The following ATXN1 variants were observed in gnomAD, a reference collection of about 807,000 sequenced individuals.
ATXN1 encodes ataxin 1.
Under a neutral mutation model 56.4 loss-of-function variants are expected in ATXN1, and 8 were observed. That is an observed-to-expected ratio of 0.14 (90% CI 0.08 to 0.26). ATXN1 has a LOEUF of 0.26. Among genes scored for constraint, ATXN1 ranks in the 10% least tolerant of loss-of-function variants. ATXN1 has a pLI of 1.00. For missense variants in ATXN1, 987 were observed against 1,106.5 expected (o/e 0.89, Z 1.53); for synonymous variants, 514 against 494.6 (o/e 1.04, Z -0.52).
chr6:16,756,638 G>C (rs1760895424), intron 1 of ATXN1, among the ~76,000 whole-genome samples: 1 of 152,120 alleles, frequency 6.6e-6, no homozygotes, highest in South Asian at 2.1e-4. Flanking sequence ...TGAAAATACA[G>C]AGCAAGGAAA....
intron 2 of ATXN1, among the ~76,000 whole-genome samples, chr6:16,685,290 T>C (rs1295808175): frequency 6.6e-6 from 1 of 152,186 alleles, no homozygotes; most frequent in Non-Finnish European, 1.5e-5. Context: ...ATGAAGGCTT[T>C]TGCCCAATGA....
intron 2 of ATXN1, among the ~76,000 whole-genome samples, chr6:16,688,247 TAAAC>T (rs1758960630): frequency 6.6e-6 from 1 of 152,192 alleles, no homozygotes; most frequent in Admixed American, 6.5e-5. Flanking sequence ...ACCTTCCTGC[TAAAC>T]AAACAAAAAA....
intron 3 of ATXN1, among the ~76,000 whole-genome samples, chr6:16,613,306 AG>A (rs1252321999): frequency 9.3e-5 from 14 of 151,034 alleles, no homozygotes; most frequent in Admixed American, 8.5e-4. Context: ...TTATTTTAAA[AG>A]GCTATTAATT....
chr6:16,465,142 T>C (rs1289350934), intron 6 of ATXN1, among the ~76,000 whole-genome samples: 1 of 152,198 alleles, frequency 6.6e-6, no homozygotes, highest in Non-Finnish European at 1.5e-5. Context: ...TTCCAGATAC[T>C]AGCTAGAGCC....
chr6:16,301,085 CTTTT>C lies in ATXN1; in HGVS notation c.*5240_*5243del. Reference sequence around the variant, plus strand: ...ACATGTAACTTTCAACCCTTCTCTGCTTTTTTTTTTTTACAAACAAAGTATGAAA... The same window carrying C: ...ACATGTAACTTTCAACCCTTCTCTGCTTTTTTTTACAAACAAAGTATGAAA... On this transcript the variant is annotated 3_prime_UTR_variant, in exon 8 of 8. Transcript: ENST00000436367. 6.8e-6 allele frequency: 1 copy of C among 146,530 alleles called. No individual in the cohort carries two copies. The highest frequency in any genetic ancestry group is 2.2e-4 in the South Asian group (1 of 4,614). 9.1% of individuals were successfully genotyped at this position (146,530 alleles called of 1,614,324 possible). A position where few individuals can be genotyped will look rare whatever the true frequency, so the allele number is the denominator to read the frequency against.
intron 6 of ATXN1, among the ~76,000 whole-genome samples, chr6:16,423,575 G>T (rs1255304290): frequency 6.6e-6 from 1 of 152,152 alleles, no homozygotes; most frequent in Non-Finnish European, 1.5e-5. Context: ...CTTGCCACTG[G>T]CTGCAATGAC....
At chr6:16,715,471 A>C (rs1759619221) in intron 2 of ATXN1, among the ~76,000 whole-genome samples, 1 of 152,232 alleles carries the variant, frequency 6.6e-6, no homozygotes, top group Non-Finnish European at 1.5e-5. Flanking sequence ...TTCTTCAATC[A>C]AAAATGTTGC....
intron 4 of ATXN1, among the ~76,000 whole-genome samples, chr6:16,535,463 GA>G (rs1761578345): frequency 6.6e-6 from 1 of 152,160 alleles, no homozygotes; most frequent in African/African-American, 2.4e-5. Context: ...ATTTCTCAAA[GA>G]GCTGCCAATG....
Position 16,346,015 on chromosome 6 carries a change from T to C in ATXN1, c.-160-17545A>G, listed in dbSNP as rs545832294. Among the ~76,000 whole-genome samples, 82 of 152,340 alleles carry C rather than the reference T, an allele frequency of 5.4e-4. 1 individual carries two copies. In the South Asian group the frequency reaches 0.01, roughly 19 times the overall value. On this transcript the variant is annotated intron_variant, in intron 6 of 7. Coordinates refer to ENST00000436367, the MANE Select transcript of ATXN1 (RefSeq NM_001128164.2). Reference sequence around the variant, plus strand: ...CCTCTGAATGAGGCACACTGTCAAATTGACTGCATCCGGCAGGAAGTGTGA... The same window carrying C: ...CCTCTGAATGAGGCACACTGTCAAACTGACTGCATCCGGCAGGAAGTGTGA...
At chr6:16,585,411 A>T (rs145501450) in intron 4 of ATXN1, among the ~76,000 whole-genome samples, 17 of 152,320 alleles carry the variant, frequency 1.1e-4, no homozygotes, top group African/African-American at 3.6e-4. Context: ...TTATATTGTT[A>T]AGAGGAACAA....
intron 3 of ATXN1, among the ~76,000 whole-genome samples, chr6:16,609,004 G>C (rs935803903): frequency 1.3e-5 from 2 of 152,018 alleles, no homozygotes; most frequent in African/African-American, 4.8e-5. Flanking sequence ...GTCTACACCA[G>C]TGCTGAAAAA....
At chr6:16,529,008 A>G (rs1319018174) in intron 4 of ATXN1, among the ~76,000 whole-genome samples, 3 of 152,018 alleles carry the variant, frequency 2.0e-5, no homozygotes, top group Non-Finnish European at 4.4e-5. Context: ...GTGAAACCCC[A>G]TCTCTACTAA....
At chr6:16,724,790 G>T (rs1214420434) in intron 2 of ATXN1, among the ~76,000 whole-genome samples, 1 of 151,756 alleles carries the variant, frequency 6.6e-6, no homozygotes, top group Non-Finnish European at 1.5e-5. Context: ...TTACTGTCAT[G>T]ACTCAGAGGC....
At chr6:16,713,462 T>C (rs1759568980) in intron 2 of ATXN1, among the ~76,000 whole-genome samples, 1 of 152,230 alleles carries the variant, frequency 6.6e-6, no homozygotes, top group African/African-American at 2.4e-5. Flanking sequence ...TTTGGGCTAC[T>C]TGTGTGAAAA....
intron 1 of ATXN1, chr6:16,754,877 T>C (rs1298303218): frequency 1.3e-5 from 2 of 152,162 alleles, no homozygotes; most frequent in African/African-American, 4.8e-5. Flanking sequence ...AAGTAGAAGT[T>C]GACAAAATTC....
At chr6:16,587,885 C>T (rs1051030971) in intron 3 of ATXN1, among the ~76,000 whole-genome samples, 1 of 150,642 alleles carries the variant, frequency 6.6e-6, no homozygotes, top group Non-Finnish European at 1.5e-5. Flanking sequence ...AAGCTGAGAT[C>T]GTGCCATTGC....
chr6:16,559,563 A>G (rs1325474117), intron 4 of ATXN1, among the ~76,000 whole-genome samples: 1 of 152,218 alleles, frequency 6.6e-6, no homozygotes, highest in Non-Finnish European at 1.5e-5. Flanking sequence ...ATTGTTTTAA[A>G]AAACCTATAT....
At chr6:16,605,202 A>G (rs1169109893) in intron 3 of ATXN1, among the ~76,000 whole-genome samples, 2 of 152,224 alleles carry the variant, frequency 1.3e-5, no homozygotes, top group East Asian at 1.9e-4. Flanking sequence ...ACTCACTTGT[A>G]TAAGTTACAT....
intron 2 of ATXN1, among the ~76,000 whole-genome samples, chr6:16,721,417 G>C (rs753554618): frequency 3.3e-5 from 5 of 152,132 alleles, no homozygotes; most frequent in Non-Finnish European, 7.4e-5. Context: ...CTTGAGGCCA[G>C]GGAGTTCGAG....
Sources: gnomAD v4.1 joint callset for allele counts (sites outside exome capture counted in the v4.1 genomes callset) on GRCh38, gnomAD v4.1.1 for gene constraint, MANE v1.5 for transcripts, NCBI Gene and HGNC (gene_info 2026-07-23, HGNC 2026-07-21) for gene names.